Variants in RBMS3 observed in about 807,000 individuals in gnomAD.
RBMS3 encodes the protein RNA-binding motif, single-stranded-interacting protein 3.
In RBMS3, 27 loss-of-function variants were observed where a neutral mutation model predicts 66.8. That is an observed-to-expected ratio of 0.40 (90% confidence interval 0.30 to 0.56). RBMS3 has a LOEUF of 0.56. RBMS3 is among the 20% of genes least tolerant of loss of function. RBMS3 has a pLI of 0.40. For synonymous variants in RBMS3, 188 were observed against 183.0 expected (o/e 1.03, Z -0.22); for missense variants, 513 against 549.5 (o/e 0.93, Z 0.66).
chr3:29,487,078 C>A (rs2043347929), intron 2 of RBMS3, among the ~76,000 whole-genome samples: 1 of 152,082 alleles, frequency 6.6e-6, no homozygotes, highest in African/African-American at 2.4e-5. Flanking sequence ...TAGCTCAAAC[C>A]TAGCTAACAT....
chr3:29,855,377 A>G (rs1004575582), intron 6 of RBMS3, among the ~76,000 whole-genome samples: 13 of 152,196 alleles, frequency 8.5e-5, no homozygotes, highest in Non-Finnish European at 1.8e-4. Context: ...AGATTCCTAG[A>G]TGGTTAAATT....
At chr3:29,471,048 G>A (rs534560262) in intron 2 of RBMS3, among the ~76,000 whole-genome samples, 547 of 152,218 alleles carry the variant, frequency 3.6e-3, no homozygotes, top group Middle Eastern at 6.8e-3. Flanking sequence ...TAAAAGTCAC[G>A]TGGACAGGTA....
At chr3:29,938,304 A>G (rs2061315138) in intron 11 of RBMS3, among the ~76,000 whole-genome samples, 1 of 152,002 alleles carries the variant, frequency 6.6e-6, no homozygotes, top group Admixed American at 6.6e-5. Flanking sequence ...ATGATTCAGT[A>G]ATAATATATA....
At chr3:29,736,383 G>T (rs1264308815) in intron 4 of RBMS3, among the ~76,000 whole-genome samples, 1 of 152,184 alleles carries the variant, frequency 6.6e-6, no homozygotes, top group East Asian at 1.9e-4. Context: ...ACTAAGCTCT[G>T]CGTATTTATG....
At chr3:29,646,725 C>T (rs147241701) in intron 4 of RBMS3, among the ~76,000 whole-genome samples, 3 of 151,196 alleles carry the variant, frequency 2.0e-5, no homozygotes, top group South Asian at 2.1e-4. Flanking sequence ...CTTCCCTTCC[C>T]TTCCCTGTCT....
chr3:29,506,238 T>C (rs565526142), intron 3 of RBMS3, among the ~76,000 whole-genome samples: 6 of 152,096 alleles, frequency 3.9e-5, no homozygotes, highest in African/African-American at 9.6e-5. Context: ...CTTTCAGGTA[T>C]TGAGATACAT....
intron 1 of RBMS3, among the ~76,000 whole-genome samples, chr3:29,309,619 G>A (rs557207599): frequency 9.9e-4 from 150 of 151,474 alleles, no homozygotes; most frequent in African/African-American, 2.9e-3. Flanking sequence ...TGGGGGGGGC[G>A]GTGGTGGCGG....
rs141055050 is a variant in RBMS3, at chr3:29,845,940, T to G, written c.638-22918T>G. 3.1e-3 allele frequency among the ~76,000 whole-genome samples: 466 copies of G among 152,188 alleles called. 1 individual carries two copies. Among genetic ancestry groups the G allele is most frequent in the African/African-American group, 0.011 (445 of 41,544 alleles). ...CCTTTCTGGCAGAGGGAATTCCAAG[T>G]GCAAAGGTTCCAAAGCAAGAACACT... is the stretch of plus-strand genomic sequence containing the variant. On this transcript the variant is annotated intron_variant, in intron 6 of 14. Coordinates refer to ENST00000383767, the MANE Select transcript of RBMS3 (RefSeq NM_001003793.3).
chr3:29,330,549 G>A (rs1395963084), intron 1 of RBMS3, among the ~76,000 whole-genome samples: 1 of 151,854 alleles, frequency 6.6e-6, no homozygotes, highest in African/African-American at 2.4e-5. Context: ...ATTCTGGGTG[G>A]GTATCTATTC....
chr3:29,673,215 A>G (rs971731494), intron 4 of RBMS3, among the ~76,000 whole-genome samples: 1 of 152,220 alleles, frequency 6.6e-6, no homozygotes, highest in Non-Finnish European at 1.5e-5. Flanking sequence ...CAAAGACACA[A>G]CATACCAGAA....
chr3:29,766,226 G>T (rs1011257181), intron 6 of RBMS3: 3 of 151,942 alleles, frequency 2.0e-5, no homozygotes, highest in African/African-American at 7.2e-5. Context: ...TTCTGTCACT[G>T]TTGACAATGA....
intron 1 of RBMS3, among the ~76,000 whole-genome samples, chr3:29,341,033 C>A (rs1456440012): frequency 6.6e-6 from 1 of 151,938 alleles, no homozygotes; most frequent in East Asian, 1.9e-4. Context: ...ACCACTCTTG[C>A]AGTGATTAAG....
intron 6 of RBMS3, among the ~76,000 whole-genome samples, chr3:29,771,545 A>C (rs2056198833): frequency 2.6e-5 from 4 of 152,058 alleles, no homozygotes; most frequent in African/African-American, 9.7e-5. Flanking sequence ...AAGAGTAATT[A>C]AGGTTACAGC....
At chr3:29,547,208 T>G (rs2045989661) in intron 3 of RBMS3, among the ~76,000 whole-genome samples, 1 of 152,168 alleles carries the variant, frequency 6.6e-6, no homozygotes, top group Non-Finnish European at 1.5e-5. Context: ...CAAGTAATCC[T>G]CCTGCCTCAG....
intron 1 of RBMS3, among the ~76,000 whole-genome samples, chr3:29,283,779 A>G (rs2032027728): frequency 6.6e-6 from 1 of 152,166 alleles, no homozygotes; most frequent in Non-Finnish European, 1.5e-5. Context: ...TATGTTGTAA[A>G]ATGTTGACAA....
At chr3:29,503,785 T>C (rs1044259149) in intron 3 of RBMS3, among the ~76,000 whole-genome samples, 2 of 152,112 alleles carry the variant, frequency 1.3e-5, no homozygotes, top group African/African-American at 4.8e-5. Context: ...TCGTTTGCAA[T>C]AGGTGCCTAT....
At chr3:29,818,497 G>T (rs1395016975) in intron 6 of RBMS3, among the ~76,000 whole-genome samples, 1 of 151,624 alleles carries the variant, frequency 6.6e-6, no homozygotes, top group Non-Finnish European at 1.5e-5. Flanking sequence ...TTGATACATT[G>T]TTATGAACAA....
chr3:29,451,262 T>G (rs35962095), intron 2 of RBMS3, among the ~76,000 whole-genome samples: 1 of 151,972 alleles, frequency 6.6e-6, no homozygotes, highest in Non-Finnish European at 1.5e-5. Context: ...AATTATAGGA[T>G]GAAACTTTTT....
chr3:29,782,030 C>G (rs1010990054), intron 6 of RBMS3, among the ~76,000 whole-genome samples: 2 of 150,430 alleles, frequency 1.3e-5, no homozygotes, highest in Admixed American at 6.7e-5. Flanking sequence ...CCCTGCCCCC[C>G]ACCTGGTGGT....
Sources: allele counts gnomAD v4.1 joint callset (sites outside exome capture counted in the v4.1 genomes callset), GRCh38; gene constraint gnomAD v4.1.1; transcripts MANE v1.5; gene names NCBI Gene and HGNC (gene_info 2026-07-23, HGNC 2026-07-21).